PRPF3: variants seen among roughly 807,000 people sequenced by gnomAD.
The protein encoded by PRPF3 is pre-mRNA processing factor 3, also known as U4/U6 small nuclear ribonucleoprotein Prp3.
Under a neutral mutation model 89.2 loss-of-function variants are expected in PRPF3, and 3 were observed. The ratio of observed to expected loss-of-function variants is 0.03; its 90% CI spans 0.02 to 0.09. PRPF3 has a LOEUF of 0.09. Ranked by LOEUF, PRPF3 falls within the 10% of genes least tolerant of loss-of-function variation. PRPF3 has a pLI of 1.00. For synonymous variants in PRPF3, 270 were observed against 289.1 expected (o/e 0.93, Z 0.67); for missense variants, 463 against 828.8 (o/e 0.56, Z 5.42).
intron 8 of PRPF3, among the ~76,000 whole-genome samples, chr1:150,339,729 C>A (rs28664791): frequency 6.9e-6 from 1 of 145,594 alleles, no homozygotes; most frequent in African/African-American, 2.6e-5. Context: ...TGAGCCACCA[C>A]GCCTGGCGTT....
intron 14 of PRPF3, among the ~76,000 whole-genome samples, chr1:150,347,307 C>CACACACATACACAT (rs1223134928): frequency 6.6e-6 from 1 of 151,622 alleles, no homozygotes; most frequent in East Asian, 1.9e-4. Flanking sequence ...CACACATGTA[C>CACACACATACACAT]ACACACATAC....
chr1:150,352,756 C>G, intron 15 of PRPF3, 77 bp from the exon 16 acceptor site: 6 of 1,490,938 alleles, frequency 4.0e-6, no homozygotes, highest in Non-Finnish European at 5.6e-6. Context: ...ACAAATGTTA[C>G]TAGGTCTTCT....
intron 1 of PRPF3, among the ~76,000 whole-genome samples, chr1:150,324,032 G>A (rs1392300900): frequency 1.3e-5 from 2 of 152,074 alleles, no homozygotes; most frequent in African/African-American, 2.4e-5. Flanking sequence ...ACCTGCCTCA[G>A]CCTCCCAAAG....
intron 6 of PRPF3, among the ~76,000 whole-genome samples, chr1:150,333,755 G>T (rs782792367): frequency 2.0e-5 from 3 of 152,094 alleles, no homozygotes; most frequent in African/African-American, 7.2e-5. Context: ...GGAGCTAGGA[G>T]TATAGCCAGG....
Position 150,334,958 on chromosome 1 carries a change from C to T in PRPF3, c.752C>T (p.Thr251Met), listed in dbSNP as rs782324840. Residue 251 changes from threonine (T) to methionine (M), a missense_variant, in exon 7 of 16, where the codon ACG becomes ATG. Transcript: ENST00000324862. Reference protein sequence around the residue: ...APPKVELKDQTKPTPLILDEQ... With the variant: ...APPKVELKDQMKPTPLILDEQ... ...AGGAAGGTGGAGTTAAAAGACCAAA[C>T]GAAACCTACACCACTGATCCTGGAT... 3.1e-6 allele frequency: 5 copies of T among 1,614,034 alleles called. No individual in the cohort carries two copies. In the East Asian group the frequency reaches 6.7e-5, roughly 22 times the overall value.
In PRPF3 at chr1:150,325,095, C is replaced by T. The variant is rs1183206595; in HGVS notation, c.145+8C>T. 1 of 1,612,660 alleles carries T rather than the reference C, an allele frequency of 6.2e-7. No homozygotes were observed. Among genetic ancestry groups the T allele is most frequent in the South Asian group, 1.1e-5 (1 of 91,030 alleles). ...ACAAGAAGAAGGCAGCCGGTATGTACCTTTCTGCATCTTTTATCTTAACAT... is the reference window on the plus strand; with the variant it reads ...ACAAGAAGAAGGCAGCCGGTATGTATCTTTCTGCATCTTTTATCTTAACAT... On this transcript the variant is annotated splice_region_variant and intron_variant, in intron 2 of 15. Coordinates refer to ENST00000324862, the MANE Select transcript of PRPF3 (RefSeq NM_004698.4).
rs587755242 is a variant in PRPF3, at chr1:150,341,750, T to G, written c.1282+1273T>G. Among the ~76,000 whole-genome samples the G allele has an allele frequency of 2.1e-5, 3 of 142,252 alleles. No individual in the cohort carries two copies. The East Asian group carries it at 6.4e-4, about 30-fold the overall frequency. The allele number at this position is 142,252 out of a possible 152,430, so 93.3% of individuals were successfully genotyped here. A position where few individuals can be genotyped will look rare whatever the true frequency, so the allele number is the denominator to read the frequency against. On this transcript the variant is annotated intron_variant, in intron 9 of 15. Transcript: ENST00000324862. ...GGAGTTTCGCTTTTGTCACCCAGGCTGGAGTGCAATGGCACTATCTCCGTT... is the reference window on the plus strand; with the variant it reads ...GGAGTTTCGCTTTTGTCACCCAGGCGGGAGTGCAATGGCACTATCTCCGTT...
At chr1:150,327,740 T>A (rs1560087418) in intron 3 of PRPF3, 1 of 565,972 alleles carries the variant, frequency 1.8e-6, no homozygotes. Flanking sequence ...TCATCATATT[T>A]GAGTTTCCAT....
chr1:150,327,915 C>T (rs1174435495), intron 3 of PRPF3: 1 of 220,702 alleles, frequency 4.5e-6, no homozygotes, highest in East Asian at 1.1e-4. Flanking sequence ...ATGAACCAAG[C>T]TCTTACACGC....
At chr1:150,346,742 T>G (rs1553873052) in intron 14 of PRPF3, among the ~76,000 whole-genome samples, 1 of 152,200 alleles carries the variant, frequency 6.6e-6, no homozygotes, top group Non-Finnish European at 1.5e-5. Flanking sequence ...CTGGTTTCTG[T>G]GTCTGTCCTG....
At chr1:150,349,893 G>A in intron 15 of PRPF3, among the ~76,000 whole-genome samples, 1 of 139,434 alleles carries the variant, frequency 7.2e-6, no homozygotes, top group Admixed American at 7.2e-5. Flanking sequence ...GGGGGCGGGG[G>A]GGCGGGGGGC....
chr1:150,349,278 T>C, intron 15 of PRPF3, 60 bp downstream of exon 15: 3 of 1,202,484 alleles, frequency 2.5e-6, no homozygotes, highest in Non-Finnish European at 2.5e-6. Flanking sequence ...ATTTATACTA[T>C]TTGAGTGGAG....
chr1:150,324,469 G>A (rs587765797), intron 1 of PRPF3, among the ~76,000 whole-genome samples: 1 of 152,164 alleles, frequency 6.6e-6, no homozygotes, highest in Non-Finnish European at 1.5e-5. Context: ...GCCTTCAAAT[G>A]AGTTGGAAAA....
At chr1:150,348,096 A>G (rs1028970148) in intron 14 of PRPF3, among the ~76,000 whole-genome samples, 6 of 152,112 alleles carry the variant, frequency 3.9e-5, no homozygotes, top group Non-Finnish European at 8.8e-5. Context: ...TAAAATCTGC[A>G]GAGAGGCCTG....
At chr1:150,347,550 T>C (rs1353428494) in intron 14 of PRPF3, among the ~76,000 whole-genome samples, 3 of 151,844 alleles carry the variant, frequency 2.0e-5, no homozygotes, top group African/African-American at 7.3e-5. Context: ...GCCAACATGG[T>C]GAAACCCCGT....
chr1:150,328,048 A>C (rs2275779), intron 3 of PRPF3: 1 of 431,646 alleles, frequency 2.3e-6, no homozygotes, highest in Admixed American at 3.8e-5. Context: ...GAGAGAAATC[A>C]TTATAAATGT....
At position 150,325,823 on chromosome 1, in the gene PRPF3, G is replaced by T. The variant is rs1485758845; in HGVS notation, c.218G>T (p.Gly73Val). 1 of 1,613,806 alleles carries T rather than the reference G, an allele frequency of 6.2e-7. No homozygotes were observed. Residue 73 changes from glycine to valine, a missense_variant, in exon 3 of 16, where the codon GGC (glycine) becomes GTC (valine). Coordinates refer to ENST00000324862, the MANE Select transcript of PRPF3 (RefSeq NM_004698.4). ...VDKLFEAVEEGRSSRHSKSSS... is the reference protein window; with the variant it reads ...VDKLFEAVEEVRSSRHSKSSS... ...AAACTGTTTGAGGCTGTGGAGGAAG[G>T]CCGAAGCTCTAGGCATTCCAAGTCT...
intron 7 of PRPF3, among the ~76,000 whole-genome samples, chr1:150,336,823 G>A (rs1011685434): frequency 9.3e-5 from 14 of 151,346 alleles, no homozygotes; most frequent in African/African-American, 2.4e-4. Context: ...TTCCTAATTC[G>A]TTTCTACATA....
intron 3 of PRPF3, 86 bp downstream of exon 3, chr1:150,325,967 TC>T: frequency 6.6e-7 from 1 of 1,524,178 alleles, no homozygotes; most frequent in Non-Finnish European, 9.0e-7. Flanking sequence ...CACGTTGATA[TC>T]CTCTATTTAG....
Sources: gnomAD v4.1 joint callset for allele counts (sites outside exome capture counted in the v4.1 genomes callset) on GRCh38, gnomAD v4.1.1 for gene constraint, MANE v1.5 for transcripts, NCBI Gene and HGNC (gene_info 2026-07-23, HGNC 2026-07-21) for gene names.